The following MYO10 variants were observed in gnomAD, a reference collection of about 807,000 sequenced individuals.
The protein encoded by MYO10 is myosin X, also known as unconventional myosin-X.
In MYO10, 133 loss-of-function variants were observed where a neutral mutation model predicts 257.3. The ratio of observed to expected loss-of-function variants is 0.52; its 90% CI spans 0.45 to 0.60. The LOEUF is 0.60. Ranked by LOEUF, MYO10 falls within the 20% of genes least tolerant of loss-of-function variation. The probability of loss-of-function intolerance (pLI) is 0.00; values close to 1 mark genes in which losing one functional copy is unlikely to be tolerated. For synonymous variants in MYO10, 1,104 were observed against 1,028.6 expected, an observed-to-expected ratio of 1.07 and a Z score of -1.40; for missense variants, 2,399 against 2,635.7, an observed-to-expected ratio of 0.91 and a Z score of 1.97.
intron 1 of MYO10, among the ~76,000 whole-genome samples, chr5:16,895,175 T>C (rs1373775489): frequency 3.9e-5 from 6 of 152,270 alleles, no homozygotes; most frequent in African/African-American, 1.4e-4. Flanking sequence ...ACAAGTCATT[T>C]TGAAGGATCC....
chr5:16,714,877 A>T (rs1738780078), intron 19 of MYO10, among the ~76,000 whole-genome samples: 1 of 152,328 alleles, frequency 6.6e-6, no homozygotes, highest in Non-Finnish European at 1.5e-5. Context: ...GGTACAAAAA[A>T]TAGAAAGAAT....
At chr5:16,819,760 A>G (rs1467863024) in intron 2 of MYO10, among the ~76,000 whole-genome samples, 1 of 152,246 alleles carries the variant, frequency 6.6e-6, no homozygotes, top group Non-Finnish European at 1.5e-5. Flanking sequence ...ATGACACACT[A>G]AGAAATGCAA....
intron 1 of MYO10, among the ~76,000 whole-genome samples, chr5:16,901,746 C>A (rs1319373769): frequency 2.0e-5 from 3 of 152,194 alleles, no homozygotes; most frequent in Non-Finnish European, 2.9e-5. Flanking sequence ...CTGATTCACT[C>A]ACAGCCTTGC....
chr5:16,675,904 C>G, intron 34 of MYO10, 127 bp downstream of exon 34: 2 of 1,178,134 alleles, frequency 1.7e-6, no homozygotes, highest in Non-Finnish European at 2.4e-6. Flanking sequence ...TTCATCTTTT[C>G]CTTCCAATTC....
rs536776497 is a variant in MYO10 at position 16,663,285 on chromosome 5, A to C, written c.*3407T>G. 12 of 143,520 alleles carry C rather than the reference A, an allele frequency of 8.4e-5. No individual in the cohort carries two copies. In the East Asian group the frequency reaches 2.5e-3, roughly 30 times the overall value. The allele number at this position is 143,520 out of a possible 1,614,324, so 8.9% of individuals were successfully genotyped here. A position where few individuals can be genotyped will look rare whatever the true frequency, so the allele number is the denominator to read the frequency against. ...TGTTTCTGGGAAAGGAAAATGGGTAATTAGGGCTACAGCTGGAAAAAAGTA... is the reference window on the plus strand; with the variant it reads ...TGTTTCTGGGAAAGGAAAATGGGTACTTAGGGCTACAGCTGGAAAAAAGTA... On this transcript the variant is annotated 3_prime_UTR_variant, in exon 41 of 41. Transcript: ENST00000513610.
At chr5:16,902,699 G>C (rs897322015) in intron 1 of MYO10, 16 of 869,132 alleles carry the variant, frequency 1.8e-5, no homozygotes, top group African/African-American at 4.9e-5. Context: ...TAGTGGAGAT[G>C]GGGTTTCAGT....
intron 3 of MYO10, among the ~76,000 whole-genome samples, chr5:16,802,689 TA>T (rs1190048573): frequency 1.4e-5 from 2 of 146,186 alleles, no homozygotes; most frequent in South Asian, 4.4e-4. Flanking sequence ...AAAGAAAAAT[TA>T]AAAAAAATAA....
chr5:16,843,565 A>AAATATG (rs1488787388), intron 2 of MYO10, among the ~76,000 whole-genome samples: 2 of 152,216 alleles, frequency 1.3e-5, no homozygotes, highest in Non-Finnish European at 2.9e-5. Flanking sequence ...ACTGGGCACC[A>AAATATG]TCACTATGTT....
In MYO10 at chr5:16,786,718, A is replaced by C. The variant is rs182822236; in HGVS notation, c.468-3249T>G. 1.0e-3 allele frequency among the ~76,000 whole-genome samples: 158 copies of C among 152,300 alleles called. 1 individual carries two copies. Among genetic ancestry groups the C allele is most frequent in the African/African-American group, 3.7e-3 (152 of 41,574 alleles). On this transcript the variant is annotated intron_variant, in intron 4 of 40. Coordinates refer to ENST00000513610, the MANE Select transcript of MYO10 (RefSeq NM_012334.3). The stretch of plus-strand genomic sequence containing the variant: ...TGCCTAGCCCAAAGCATTTTGGATA[A>C]GGGATACTCAAGCTGTGCAAGTAAA...
intron 2 of MYO10, among the ~76,000 whole-genome samples, chr5:16,827,751 T>C (rs1381784712): frequency 6.6e-6 from 1 of 152,132 alleles, no homozygotes; most frequent in Non-Finnish European, 1.5e-5. Context: ...ATCCTTTAGG[T>C]GCCAAAACAA....
At chr5:16,717,522 G>C (rs1230321294) in intron 19 of MYO10, among the ~76,000 whole-genome samples, 1 of 152,180 alleles carries the variant, frequency 6.6e-6, no homozygotes. Context: ...CGACCACATC[G>C]ATAAGAAATC....
chr5:16,879,972 G>A (rs1021905771), intron 1 of MYO10, among the ~76,000 whole-genome samples: 3 of 152,172 alleles, frequency 2.0e-5, no homozygotes, highest in African/African-American at 7.2e-5. Context: ...GAGGTCAGGA[G>A]TTTGAGACCA....
Position 16,701,039 on chromosome 5 carries a change from G to A in MYO10, c.3356C>T (p.Pro1119Leu). ...FSNSYGSQWS[P>L]DYRCSVGTYN... ...GGTCCCCACAGAGCAGCGGTAGTCGGGGGACCACTGGCTGCCGTAGGAGTT... is the reference window on the plus strand; with the variant it reads ...GGTCCCCACAGAGCAGCGGTAGTCGAGGGACCACTGGCTGCCGTAGGAGTT... Residue 1119 changes from proline (P) to leucine (L), a missense_variant, in exon 25 of 41, where the codon CCC becomes CTC. Coordinates refer to ENST00000513610, the MANE Select transcript of MYO10 (RefSeq NM_012334.3). The surrounding 1 kb of genome is among the most constrained non-coding windows in gnomAD (Gnocchi z 8.1). The A allele has an allele frequency of 6.4e-7, 1 of 1,564,536 alleles. No homozygotes were observed. The highest frequency in any genetic ancestry group is 8.7e-7 in the Non-Finnish European group (1 of 1,154,864).
intron 1 of MYO10, among the ~76,000 whole-genome samples, chr5:16,900,412 G>A (rs2126783602): frequency 6.6e-6 from 1 of 152,258 alleles, no homozygotes; most frequent in East Asian, 1.9e-4. Context: ...AGGGGCTACA[G>A]GTTAGACACT....
At chr5:16,780,320 A>AAT (rs1553995449) in intron 8 of MYO10, among the ~76,000 whole-genome samples, 34 of 151,778 alleles carry the variant, frequency 2.2e-4, no homozygotes, top group Non-Finnish European at 3.2e-4. Flanking sequence ...CAAAAAAAAA[A>AAT]ATCTAAGGTT....
chr5:16,836,768 G>A lies in MYO10; in HGVS notation c.121-18601C>T, dbSNP rs565317190. On this transcript the variant is annotated intron_variant, in intron 2 of 40. Transcript: ENST00000513610. ...GGTGGGAATGTAAAATGGTGCAGAC[G>A]CTTTGGAAAACAGTCTGGTCATTCT... 1.3e-4 allele frequency among the ~76,000 whole-genome samples: 20 copies of A among 152,268 alleles called. 2 individuals are homozygous for A. In the South Asian group the frequency reaches 4.1e-3, roughly 32 times the overall value.
At chr5:16,712,485 C>T (rs1430526280) in intron 19 of MYO10, among the ~76,000 whole-genome samples, 1 of 152,114 alleles carries the variant, frequency 6.6e-6, no homozygotes, top group Non-Finnish European at 1.5e-5. Flanking sequence ...TTATCCCACA[C>T]AACTGTGAAT....
At chr5:16,673,971 TAGACCAA>T in intron 35 of MYO10, 82 bp from the exon 36 acceptor site, 1 of 1,290,912 alleles carries the variant, frequency 7.7e-7, no homozygotes, top group South Asian at 1.2e-5. Flanking sequence ...CAAGGTTCTG[TAGACCAA>T]AGCAGTGAAT....
At chr5:16,891,499 G>C (rs751392123) in intron 1 of MYO10, among the ~76,000 whole-genome samples, 2 of 152,076 alleles carry the variant, frequency 1.3e-5, no homozygotes, top group Non-Finnish European at 2.9e-5. Flanking sequence ...AACAGGTACG[G>C]AGTTTTGTGG....
Sources: gnomAD v4.1 joint callset for allele counts (sites outside exome capture counted in the v4.1 genomes callset) on GRCh38, gnomAD v4.1.1 for gene constraint, Gnocchi (gnomAD v3.1) non-coding constraint, MANE v1.5 for transcripts, NCBI Gene and HGNC (gene_info 2026-07-23, HGNC 2026-07-21) for gene names.